The following JARID2 variants were observed in gnomAD, a reference collection of about 807,000 sequenced individuals.
The protein encoded by JARID2 is protein Jumonji.
JARID2 carries 21 observed loss-of-function variants against 125.6 expected under a neutral mutation model. That is an observed-to-expected ratio of 0.17 (90% confidence interval 0.12 to 0.24). JARID2 has a LOEUF of 0.24. Ranked by LOEUF, JARID2 falls within the 10% of genes least tolerant of loss-of-function variation. JARID2 has a pLI of 1.00. For missense variants in JARID2, 1,303 were observed against 1,639.6 expected (o/e 0.79, Z 3.55); for synonymous variants, 736 against 661.6 (o/e 1.11, Z -1.73).
chr6:15,311,046 A>G (rs972784998), intron 1 of JARID2, among the ~76,000 whole-genome samples: 2 of 152,208 alleles, frequency 1.3e-5, no homozygotes, highest in African/African-American at 2.4e-5. Context: ...CAGGGCTAAC[A>G]TGGCACGTTG....
At chr6:15,256,591 T>C (rs917186140) in intron 1 of JARID2, among the ~76,000 whole-genome samples, 13 of 148,984 alleles carry the variant, frequency 8.7e-5, no homozygotes, top group African/African-American at 2.9e-4. Context: ...CTGCCACCCA[T>C]CCACTTCACA....
At chr6:15,320,538 T>C (rs1055779398) in intron 1 of JARID2, among the ~76,000 whole-genome samples, 1 of 152,226 alleles carries the variant, frequency 6.6e-6, no homozygotes, top group African/African-American at 2.4e-5. Flanking sequence ...TAAATGTGAT[T>C]TGTAGTTTAT....
chr6:15,321,050 A>C (rs1001921976), intron 1 of JARID2, among the ~76,000 whole-genome samples: 2 of 152,158 alleles, frequency 1.3e-5, no homozygotes, highest in Admixed American at 6.5e-5. Context: ...AGTATTTTGC[A>C]GTAGTTAGTA....
At chr6:15,416,336 C>G (rs945013021) in intron 3 of JARID2, among the ~76,000 whole-genome samples, 1 of 152,266 alleles carries the variant, frequency 6.6e-6, no homozygotes, top group African/African-American at 2.4e-5. Context: ...CCAAGGCAGG[C>G]GGCTGGGAGG....
At chr6:15,504,159 CT>C (rs1770881198) in intron 8 of JARID2, among the ~76,000 whole-genome samples, 1 of 152,230 alleles carries the variant, frequency 6.6e-6, no homozygotes, top group Non-Finnish European at 1.5e-5. Flanking sequence ...CTGAGGGATT[CT>C]GCCTCCAGCA....
chr6:15,490,893 T>G (rs1561899808), intron 6 of JARID2, among the ~76,000 whole-genome samples: 1 of 152,234 alleles, frequency 6.6e-6, no homozygotes, highest in Non-Finnish European at 1.5e-5. Context: ...GAACCAGATG[T>G]GGCCACATGT....
intron 1 of JARID2, among the ~76,000 whole-genome samples, chr6:15,284,536 G>A (rs1226720817): frequency 1.4e-5 from 2 of 145,162 alleles, no homozygotes; most frequent in Non-Finnish European, 3.0e-5. Flanking sequence ...TTGAGACGAA[G>A]TCTTGCTCTT....
Position 15,520,762 on chromosome 6 carries a change from T to C in JARID2, c.*511T>C, listed in dbSNP as rs879209306. 2.2e-6 allele frequency: 1 copy of C among 455,904 alleles called. No homozygotes were observed. The highest frequency in any genetic ancestry group is 2.3e-5 in the Admixed American group (1 of 42,564). The allele number at this position is 455,904 out of a possible 1,614,324, so 28.2% of individuals were successfully genotyped here. A position where few individuals can be genotyped will look rare whatever the true frequency, so the allele number is the denominator to read the frequency against. Reference sequence around the variant, plus strand: ...GTCTTCTGCCGTGTGCCAGATGAGCTTGTGATCTGGGAAGCCGGGGCACCC... The same window carrying C: ...GTCTTCTGCCGTGTGCCAGATGAGCCTGTGATCTGGGAAGCCGGGGCACCC... On this transcript the variant is annotated 3_prime_UTR_variant, in exon 18 of 18. Coordinates refer to ENST00000341776, the MANE Select transcript of JARID2 (RefSeq NM_004973.4).
In JARID2 at chr6:15,246,548, G is replaced by A; in HGVS notation, c.9G>A (p.Lys3=). The A allele has an allele frequency of 6.2e-7, 1 of 1,613,380 alleles. No homozygotes were observed. The highest frequency in any genetic ancestry group is 8.5e-7 in the Non-Finnish European group (1 of 1,179,418). ...AGCATTTGGATCTCAGAATGAGCAAGGAAAGACCCAAGAGGAATATCATTC... is the reference window on the plus strand; with the variant it reads ...AGCATTTGGATCTCAGAATGAGCAAAGAAAGACCCAAGAGGAATATCATTC... The part of the protein sequence containing the change: MS[K]ERPKRNIIQK... The change falls in exon 1 of 18, where the codon AAG becomes AAA. Residue 3 remains lysine, a synonymous_variant. Coordinates refer to ENST00000341776, the MANE Select transcript of JARID2 (RefSeq NM_004973.4).
rs553780425 is a variant in JARID2 at position 15,517,248 on chromosome 6, T to C, written c.3538T>C (p.Leu1180=). 8 of 1,613,580 alleles carry C rather than the reference T, an allele frequency of 5.0e-6. No homozygotes were observed. The highest frequency in any genetic ancestry group is 4.0e-5 in the African/African-American group (3 of 75,046). The change falls in exon 17 of 18, where the codon TTG becomes CTG. Residue 1180 remains leucine, a synonymous_variant. Coordinates refer to ENST00000341776, the MANE Select transcript of JARID2 (RefSeq NM_004973.4). ...EKQKSCRGLK[L]MYRYDEEQII... ...ACAGAAGTCCTGCCGAGGGCTGAAG[T>C]TGATGTACCGCTACGATGAGGTCAG...
chr6:15,503,793 A>G (rs1770858990), intron 8 of JARID2, among the ~76,000 whole-genome samples: 1 of 152,218 alleles, frequency 6.6e-6, no homozygotes, highest in African/African-American at 2.4e-5. Flanking sequence ...AAAACGCACC[A>G]CATTTCGTGT....
intron 8 of JARID2, among the ~76,000 whole-genome samples, chr6:15,502,614 C>T (rs554139435): frequency 5.8e-4 from 88 of 152,296 alleles, no homozygotes; most frequent in African/African-American, 1.9e-3. Flanking sequence ...CTTAGAAATA[C>T]GGAGGAAGGG....
At chr6:15,271,566 T>C (rs1289467580) in intron 1 of JARID2, among the ~76,000 whole-genome samples, 1 of 152,200 alleles carries the variant, frequency 6.6e-6, no homozygotes, top group African/African-American at 2.4e-5. Context: ...TCTCATCACT[T>C]TGGGAGGCCA....
intron 6 of JARID2, among the ~76,000 whole-genome samples, chr6:15,495,017 G>A (rs1770343208): frequency 6.6e-6 from 1 of 152,164 alleles, no homozygotes; most frequent in Admixed American, 6.5e-5. Context: ...TGGAGATGGT[G>A]GTGGTTATAA....
intron 3 of JARID2, among the ~76,000 whole-genome samples, chr6:15,412,955 C>T: frequency 7.5e-6 from 1 of 133,674 alleles, no homozygotes. Context: ...GGTTTTTTTA[C>T]TTGCGAGTTT....
At chr6:15,312,836 A>G (rs1204159111) in intron 1 of JARID2, among the ~76,000 whole-genome samples, 2 of 152,108 alleles carry the variant, frequency 1.3e-5, no homozygotes, top group Non-Finnish European at 2.9e-5. Context: ...TCTTTCACAC[A>G]CACTGAAAGA....
intron 2 of JARID2, among the ~76,000 whole-genome samples, chr6:15,383,904 C>G (rs1764685354): frequency 6.6e-6 from 1 of 152,218 alleles, no homozygotes; most frequent in African/African-American, 2.4e-5. Context: ...AAGCAATTCT[C>G]CTGCCTCAGC....
At position 15,246,383 on chromosome 6, in the gene JARID2, G is replaced by T; in HGVS notation, c.-157G>T. 1 of 574,098 alleles carries T rather than the reference G, an allele frequency of 1.7e-6. No individual in the cohort carries two copies. Among genetic ancestry groups the T allele is most frequent in the South Asian group, 2.4e-5 (1 of 42,372 alleles). The allele number at this position is 574,098 out of a possible 1,614,324, so 35.6% of individuals were successfully genotyped here. On this transcript the variant is annotated 5_prime_UTR_variant, in exon 1 of 18. Coordinates refer to ENST00000341776, the MANE Select transcript of JARID2 (RefSeq NM_004973.4). Reference sequence around the variant, plus strand: ...CCCAATTTCGGATTTATTTCAAGGCGAATCTGGCTTTGGGGGAAGAGGAAG... The same window carrying T: ...CCCAATTTCGGATTTATTTCAAGGCTAATCTGGCTTTGGGGGAAGAGGAAG...
At chr6:15,247,536 T>TC in intron 1 of JARID2, 2 of 960,730 alleles carry the variant, frequency 2.1e-6, no homozygotes, top group Non-Finnish European at 2.4e-6. Flanking sequence ...AATAACTCTT[T>TC]TTTTTTTTCA....
Sources: allele counts gnomAD v4.1 joint callset (sites outside exome capture counted in the v4.1 genomes callset), GRCh38; gene constraint gnomAD v4.1.1; transcripts MANE v1.5; gene names NCBI Gene and HGNC (gene_info 2026-07-23, HGNC 2026-07-21).